Variants in EPHA8 observed in about 807,000 individuals in gnomAD.
The protein encoded by EPHA8 is ephrin type-A receptor 8.
In EPHA8, 58 loss-of-function variants were observed where a neutral mutation model predicts 103.6. The observed-to-expected ratio is 0.56, with a 90% confidence interval of 0.45 to 0.70. The LOEUF is 0.70. EPHA8 is among the 30% of genes least tolerant of loss of function. The pLI, the probability that EPHA8 is intolerant of heterozygous loss-of-function variation, is 0.00. For missense variants in EPHA8, 1,304 were observed against 1,395.2 expected (o/e 0.93, Z 1.04); for synonymous variants, 559 against 572.5 (o/e 0.98, Z 0.34).
At chr1:22,596,281 A>AACC (rs1355786926) in intron 9 of EPHA8, 108 bp downstream of exon 9, 25 of 1,132,252 alleles carry the variant, frequency 2.2e-5, no homozygotes, top group Admixed American at 4.4e-5. Context: ...CAGTGAAAAA[A>AACC]CCAGAGCCCA....
At chr1:22,565,744 G>C (rs1017725889) in intron 1 of EPHA8, among the ~76,000 whole-genome samples, 7 of 152,216 alleles carry the variant, frequency 4.6e-5, no homozygotes, top group African/African-American at 1.7e-4. Flanking sequence ...GGGGCCAGCA[G>C]CTGAGGAAGA....
rs764003448 is a variant in EPHA8, at chr1:22,601,134, G to A, written c.2729+46G>A. ...CTCCTTGAGGCCCAGCTGCCTCCCA[G>A]TATTGCCCCAGATCTGTCCCTGGGA... On this transcript the variant is annotated intron_variant, in intron 15 of 16. Transcript: ENST00000166244. 3 of 1,573,120 alleles carry A rather than the reference G, an allele frequency of 1.9e-6. No homozygotes were observed. In the East Asian group the frequency reaches 6.7e-5, roughly 35 times the overall value.
At chr1:22,568,554 G>A (rs1640434826) in intron 1 of EPHA8, among the ~76,000 whole-genome samples, 1 of 152,240 alleles carries the variant, frequency 6.6e-6, no homozygotes, top group African/African-American at 2.4e-5. Flanking sequence ...GTAAAATGGA[G>A]GTAATACTGG....
chr1:22,579,681 G>C (rs918798704), intron 3 of EPHA8, among the ~76,000 whole-genome samples: 2 of 152,112 alleles, frequency 1.3e-5, no homozygotes, highest in African/African-American at 2.4e-5. Flanking sequence ...TCAGCCCCCC[G>C]GGCACAGTGA....
intron 4 of EPHA8, among the ~76,000 whole-genome samples, chr1:22,587,844 C>A (rs1329900366): frequency 6.6e-6 from 1 of 152,172 alleles, no homozygotes; most frequent in Admixed American, 6.5e-5. Flanking sequence ...GACACACACA[C>A]CCACCCTCCC....
chr1:22,596,177 A>AG lies in EPHA8; in HGVS notation c.1765+5dup, dbSNP rs764676894. 3 of 1,613,576 alleles carry AG rather than the reference A, an allele frequency of 1.9e-6. No homozygotes were observed. Among genetic ancestry groups the AG allele is most frequent in the Non-Finnish European group, 2.5e-6 (3 of 1,179,812 alleles). On this transcript the variant is annotated splice_donor_region_variant and intron_variant, in intron 9 of 16. Transcript: ENST00000166244. ...ATGCACTATCAGAATGGACAGGGTG[A>AG]GTGCAGGGGCCCGGTGGTCTGGGGC...
chr1:22,577,656 CT>C (rs950896780), intron 3 of EPHA8, among the ~76,000 whole-genome samples: 1 of 152,198 alleles, frequency 6.6e-6, no homozygotes, highest in Admixed American at 6.5e-5. Context: ...AAGAGAGCCC[CT>C]GGGCCATGAC....
Position 22,563,762 on chromosome 1 carries a change from G to C in EPHA8, c.94+33G>C, listed in dbSNP as rs1640270174. 1 of 148,456 alleles carries C rather than the reference G, an allele frequency of 6.7e-6. No homozygotes were observed. Among genetic ancestry groups the C allele is most frequent in the South Asian group, 1.8e-4 (1 of 5,668 alleles). The allele number at this position is 148,456 out of a possible 1,614,324, so 9.2% of individuals were successfully genotyped here. On this transcript the variant is annotated intron_variant, in intron 1 of 16. Coordinates refer to ENST00000166244, the MANE Select transcript of EPHA8 (RefSeq NM_020526.5). This position sits in a 1 kb window ranked among gnomAD's most constrained non-coding sequence, Gnocchi z 4.4. ...GCGGCGGCGGGGCGGGGCAGGGGCG[G>C]CCGAGGGGCGCGGGGCGCGGCGCGC...
In EPHA8 at chr1:22,589,895, A is replaced by G. The variant is rs1641329316; in HGVS notation, c.1315+689A>G. 6.6e-6 allele frequency among the ~76,000 whole-genome samples: 1 copy of G among 152,002 alleles called. No homozygotes were observed. Among genetic ancestry groups the G allele is most frequent in the Non-Finnish European group, 1.5e-5 (1 of 67,998 alleles). Reference sequence around the variant, plus strand: ...CCCCCACCCACCATCTCCTCCCAAAACCACACAGCCCTGGCCTCGCAGACA... The same window carrying G: ...CCCCCACCCACCATCTCCTCCCAAAGCCACACAGCCCTGGCCTCGCAGACA... On this transcript the variant is annotated intron_variant, in intron 5 of 16. Transcript: ENST00000166244. The surrounding 1 kb of genome is among the most constrained non-coding windows in gnomAD (Gnocchi z 4.3).
At position 22,576,116 on chromosome 1, in the gene EPHA8, C is replaced by G. The variant is rs576721407; in HGVS notation, c.160-101C>G. 1 of 1,355,016 alleles carries G rather than the reference C, an allele frequency of 7.4e-7. No individual in the cohort carries two copies. The allele number at this position is 1,355,016 out of a possible 1,614,324, so 83.9% of individuals were successfully genotyped here. A position where few individuals can be genotyped will look rare whatever the true frequency, so the allele number is the denominator to read the frequency against. On this transcript the variant is annotated intron_variant, in intron 2 of 16. Transcript: ENST00000166244. This position sits in a 1 kb window ranked among gnomAD's most constrained non-coding sequence, Gnocchi z 4.8. ...GCCACCAGGAGGCCAGCTCCTTTGT[C>G]TTTTTTTTTGCCAGCGTCCCCAGCA...
intron 1 of EPHA8, among the ~76,000 whole-genome samples, chr1:22,565,844 G>C (rs548675497): frequency 6.6e-5 from 10 of 152,184 alleles, no homozygotes; most frequent in Non-Finnish European, 1.3e-4. Context: ...CGCCCTCTCC[G>C]ATCAATGCAG....
intron 13 of EPHA8, among the ~76,000 whole-genome samples, chr1:22,600,140 AGGAGGGAG>A (rs368120615): frequency 1.2e-5 from 1 of 82,848 alleles, no homozygotes; most frequent in Non-Finnish European, 2.3e-5. Context: ...AGAAGGAAGG[AGGAGGGAG>A]GGAGGGAAGG....
rs1364153342 is a variant in EPHA8 at position 22,598,042 on chromosome 1, G to T, written c.2117-109G>T. 1 of 1,436,330 alleles carries T rather than the reference G, an allele frequency of 7.0e-7. No homozygotes were observed. Among genetic ancestry groups the T allele is most frequent in the Non-Finnish European group, 9.7e-7 (1 of 1,030,974 alleles). 89.0% of individuals were successfully genotyped at this position (1,436,330 alleles called of 1,614,324 possible). ...CCAGTGGAAACCCAAGGCACCCTGGGGTTTCCAGTGCTGGCACAGGTCCTG... is the reference window on the plus strand; with the variant it reads ...CCAGTGGAAACCCAAGGCACCCTGGTGTTTCCAGTGCTGGCACAGGTCCTG... On this transcript the variant is annotated intron_variant, in intron 11 of 16. Coordinates refer to ENST00000166244, the MANE Select transcript of EPHA8 (RefSeq NM_020526.5). This position sits in a 1 kb window ranked among gnomAD's most constrained non-coding sequence, Gnocchi z 5.1.
rs1257491030 is a variant in EPHA8 at position 22,603,084 on chromosome 1, G to T, written c.*1343G>T. The T allele has an allele frequency of 6.6e-6, 1 of 152,476 alleles. No individual in the cohort carries two copies. The highest frequency in any genetic ancestry group is 6.5e-5 in the Admixed American group (1 of 15,282). 9.4% of individuals were successfully genotyped at this position (152,476 alleles called of 1,614,324 possible). ...CAGGGTGAGAAAGCCCCATCCCGGG[G>T]GCCGTTGGCAGGCAGGGAAGCAGGA... On this transcript the variant is annotated 3_prime_UTR_variant, in exon 17 of 17. Coordinates refer to ENST00000166244, the MANE Select transcript of EPHA8 (RefSeq NM_020526.5).
rs765975334 is a variant in EPHA8 at position 22,593,667 on chromosome 1, G to A, written c.1584G>A (p.Glu528=). The A allele has an allele frequency of 2.6e-5, 41 of 1,599,346 alleles. No homozygotes were observed. The highest frequency in any genetic ancestry group is 1.5e-4 in the South Asian group (13 of 88,978). The part of the protein sequence containing the change: ...AGCGRFSQAM[E]VETGKPRPRY... ...GTGGCCGCTTCAGCCAGGCCATGGA[G>A]GTGGAGACCGGGAAACCCCGTGAGT... Residue 528 remains glutamate (E), a synonymous_variant, in exon 7 of 17, where the codon GAG becomes GAA. Transcript: ENST00000166244.
chr1:22,593,490 A>G (rs746854511), intron 6 of EPHA8, 34 bp from the exon 7 acceptor site: 14 of 1,609,312 alleles, frequency 8.7e-6, no homozygotes, highest in Admixed American at 1.7e-5. Flanking sequence ...CTGGGCCAGC[A>G]GGGCAGGGCC....
In EPHA8 at chr1:22,563,898, A is replaced by G. The variant is rs1450549347; in HGVS notation, c.94+169A>G. 2.6e-5 allele frequency among the ~76,000 whole-genome samples: 4 copies of G among 152,042 alleles called. No homozygotes were observed. Among genetic ancestry groups the G allele is most frequent in the African/African-American group, 4.8e-5 (2 of 41,446 alleles). ...CGGAAGAGACCCGGGATTAAGGGAC[A>G]GAGCGGTGGAGATGGGAACCCGCGA... On this transcript the variant is annotated intron_variant, in intron 1 of 16. Transcript: ENST00000166244. The surrounding 1 kb of genome is among the most constrained non-coding windows in gnomAD (Gnocchi z 4.4).
chr1:22,588,809 A>T, intron 4 of EPHA8, 62 bp from the exon 5 acceptor site: 1 of 1,514,838 alleles, frequency 6.6e-7, no homozygotes, highest in South Asian at 1.3e-5. Flanking sequence ...AGGTCTGATG[A>T]TAGGAAGACA....
At chr1:22,565,488 T>C (rs1481398672) in intron 1 of EPHA8, among the ~76,000 whole-genome samples, 2 of 152,146 alleles carry the variant, frequency 1.3e-5, no homozygotes, top group Non-Finnish European at 2.9e-5. Flanking sequence ...GACGGCTTTC[T>C]GAGGGTGGGT....
Sources: gnomAD v4.1 joint callset for allele counts (sites outside exome capture counted in the v4.1 genomes callset) on GRCh38, gnomAD v4.1.1 for gene constraint, Gnocchi (gnomAD v3.1) non-coding constraint, MANE v1.5 for transcripts, NCBI Gene and HGNC (gene_info 2026-07-23, HGNC 2026-07-21) for gene names.